The following SBSPON variants were observed in gnomAD, a reference collection of about 807,000 sequenced individuals.
SBSPON encodes the protein somatomedin-B and thrombospondin type-1 domain-containing protein.
Under a neutral mutation model 35.8 loss-of-function variants are expected in SBSPON, and 30 were observed. The ratio of observed to expected loss-of-function variants is 0.84; its 90% CI spans 0.63 to 1.14. The LOEUF is 1.14. Among genes scored for constraint, SBSPON ranks in the 50% most tolerant of loss-of-function variants. The pLI is 0.00. For synonymous variants in SBSPON, 136 were observed against 135.9 expected (o/e 1.00, Z 0.00); for missense variants, 364 against 357.7 (o/e 1.02, Z -0.14).
intron 1 of SBSPON, among the ~76,000 whole-genome samples, chr8:73,092,162 C>A (rs1273850224): frequency 6.6e-6 from 1 of 152,126 alleles, no homozygotes; most frequent in Non-Finnish European, 1.5e-5. Context: ...AAAAGACTGA[C>A]CCTAAAGGAA....
Position 73,071,766 on chromosome 8 carries a change from A to G in SBSPON, c.500+14T>C, listed in dbSNP as rs77674584. The G allele has an allele frequency of 1.9e-6, 3 of 1,543,630 alleles. No individual in the cohort carries two copies. Among genetic ancestry groups the G allele is most frequent in the Non-Finnish European group, 2.7e-6 (3 of 1,127,228 alleles). On this transcript the variant is annotated intron_variant, in intron 3 of 4. Coordinates refer to ENST00000297354, the MANE Select transcript of SBSPON (RefSeq NM_153225.4). The stretch of plus-strand genomic sequence containing the variant: ...GAAAAACATGATTAAAAAAAAAAAA[A>G]AACACGAAATTACCCAGCATCCTCT...
In SBSPON at chr8:73,090,954, C is replaced by T. The variant is rs1180260039; in HGVS notation, c.214+1900G>A. On this transcript the variant is annotated intron_variant, in intron 1 of 4. Transcript: ENST00000297354. ...CTGAAAATAAGCAATTTCTTTTTGA[C>T]CAAATAAAGACAGGGTTTTCCAATT... 3.3e-5 allele frequency among the ~76,000 whole-genome samples: 5 copies of T among 152,204 alleles called. No individual in the cohort carries two copies. In the East Asian group the frequency reaches 9.6e-4, roughly 29 times the overall value.
rs528143482 is a variant in SBSPON, at chr8:73,065,273, C to T, written c.*2068G>A. 6.6e-6 allele frequency: 1 copy of T among 152,054 alleles called. No homozygotes were observed. Among genetic ancestry groups the T allele is most frequent in the East Asian group, 1.9e-4 (1 of 5,186 alleles). The allele number at this position is 152,054 out of a possible 1,614,324, so 9.4% of individuals were successfully genotyped here. A position where few individuals can be genotyped will look rare whatever the true frequency, so the allele number is the denominator to read the frequency against. The stretch of plus-strand genomic sequence containing the variant: ...ACCTCAATTATGTTAAATGTTATAA[C>T]ACATATCGGAACTATAAAAGCACCA... On this transcript the variant is annotated 3_prime_UTR_variant, in exon 5 of 5. Coordinates refer to ENST00000297354, the MANE Select transcript of SBSPON (RefSeq NM_153225.4).
intron 1 of SBSPON, among the ~76,000 whole-genome samples, chr8:73,086,675 T>C (rs1161914211): frequency 6.7e-6 from 1 of 150,010 alleles, no homozygotes; most frequent in Non-Finnish European, 1.5e-5. Flanking sequence ...ATTTACTGGC[T>C]AGTTCCTGAA....
chr8:73,071,733 A>G (rs1810494345), intron 3 of SBSPON, 47 bp downstream of exon 3: 2 of 1,144,944 alleles, frequency 1.7e-6, no homozygotes, highest in South Asian at 2.7e-5. Context: ...TGACTTGACT[A>G]TACAATTGAA....
At position 73,081,107 on chromosome 8, in the gene SBSPON, G is replaced by C; in HGVS notation, c.321C>G (p.Asn107Lys). 13 of 1,613,362 alleles carry C rather than the reference G, an allele frequency of 8.1e-6. No individual in the cohort carries two copies. The highest frequency in any genetic ancestry group is 1.0e-5 in the Non-Finnish European group (12 of 1,179,632). The stretch of plus-strand genomic sequence containing the variant: ...CCAGGGGTGGGCAGGGCGCCCCGCC[G>C]TTCTGAGGCTCCTGCTGCACCGAGC... ...RRRSVQQEPQ[N>K]GGAPCPPLEE... is the part of the protein sequence containing the mutation. The change falls in exon 2 of 5, where the codon AAC (asparagine) becomes AAG (lysine). Residue 107 changes from asparagine (N) to lysine (K), a missense_variant. Coordinates refer to ENST00000297354, the MANE Select transcript of SBSPON (RefSeq NM_153225.4).
At chr8:73,073,914 T>A (rs925916433) in intron 2 of SBSPON, among the ~76,000 whole-genome samples, 2 of 152,206 alleles carry the variant, frequency 1.3e-5, no homozygotes, top group Non-Finnish European at 2.9e-5. Flanking sequence ...CATGTTTAAT[T>A]GTTTTCTAAA....
In SBSPON at chr8:73,069,819, G is replaced by C; in HGVS notation, c.663C>G (p.Gly221=). The C allele has an allele frequency of 6.2e-7, 1 of 1,613,622 alleles. No homozygotes were observed. Among genetic ancestry groups the C allele is most frequent in the Non-Finnish European group, 8.5e-7 (1 of 1,179,528 alleles). The stretch of plus-strand genomic sequence containing the variant: ...TCCATTCTTACCCATCGGAGTCCAG[G>C]CCATCTCCAGAACAACGAAGGCTCA... ...NSVSLRCSGD[G]LDSDGNQTLH... is the part of the protein sequence containing the mutation. Residue 221 remains glycine (G), a synonymous_variant, in exon 4 of 5, where the codon GGC becomes GGG. Coordinates refer to ENST00000297354, the MANE Select transcript of SBSPON (RefSeq NM_153225.4).
chr8:73,084,289 C>T (rs1487653635), intron 1 of SBSPON, among the ~76,000 whole-genome samples: 4 of 152,244 alleles, frequency 2.6e-5, no homozygotes, highest in Non-Finnish European at 5.9e-5. Flanking sequence ...TAATGAATCA[C>T]ACACAAGAGT....
At chr8:73,089,841 A>G (rs1308260050) in intron 1 of SBSPON, among the ~76,000 whole-genome samples, 1 of 151,950 alleles carries the variant, frequency 6.6e-6, no homozygotes, top group Non-Finnish European at 1.5e-5. Context: ...CCTTCTGTCA[A>G]CTCCACAGTC....
At chr8:73,092,219 G>C (rs1240364871) in intron 1 of SBSPON, among the ~76,000 whole-genome samples, 1 of 152,186 alleles carries the variant, frequency 6.6e-6, no homozygotes, top group Non-Finnish European at 1.5e-5. Flanking sequence ...TAAAATCCTT[G>C]TCATGCTGTA....
chr8:73,090,363 A>C (rs1810907354), intron 1 of SBSPON, among the ~76,000 whole-genome samples: 1 of 152,254 alleles, frequency 6.6e-6, no homozygotes, highest in Admixed American at 6.5e-5. Context: ...TTTGAGACTT[A>C]GAATCTGTGA....
chr8:73,068,146 T>C (rs961886926), intron 4 of SBSPON, among the ~76,000 whole-genome samples: 1 of 152,170 alleles, frequency 6.6e-6, no homozygotes, highest in Non-Finnish European at 1.5e-5. Context: ...ATTATTAAAA[T>C]TATTATTTTT....
chr8:73,083,933 T>C (rs1810767185), intron 1 of SBSPON: 1 of 152,260 alleles, frequency 6.6e-6, no homozygotes. Flanking sequence ...CTCAAGCTAA[T>C]ATTCAGGTTG....
chr8:73,074,077 T>G (rs1810546960), intron 2 of SBSPON, among the ~76,000 whole-genome samples: 1 of 152,202 alleles, frequency 6.6e-6, no homozygotes, highest in Non-Finnish European at 1.5e-5. Context: ...ACATTTTCAT[T>G]TCTGTTCTTC....
intron 2 of SBSPON, among the ~76,000 whole-genome samples, chr8:73,080,605 A>G (rs1156728128): frequency 2.0e-5 from 3 of 152,188 alleles, no homozygotes; most frequent in African/African-American, 7.2e-5. Context: ...GAGTGTGCAT[A>G]ATGAAACAGG....
chr8:73,074,727 CT>C, intron 2 of SBSPON: 1 of 271,554 alleles, frequency 3.7e-6, no homozygotes, highest in Non-Finnish European at 5.6e-6. Flanking sequence ...AAAAGAGAAA[CT>C]TTTAGCCCCT....
At chr8:73,070,066 C>T (rs1563485894) in intron 3 of SBSPON, 85 bp from the exon 4 acceptor site, 1 of 831,896 alleles carries the variant, frequency 1.2e-6, no homozygotes, top group Non-Finnish European at 1.9e-6. Flanking sequence ...CTGTCACCTC[C>T]AAGGGCATTT....
intron 1 of SBSPON, among the ~76,000 whole-genome samples, chr8:73,085,151 G>A (rs1209720561): frequency 6.6e-6 from 1 of 152,122 alleles, no homozygotes; most frequent in African/African-American, 2.4e-5. Context: ...AAACCCATGG[G>A]AATTCTTAGC....
Sources: allele counts gnomAD v4.1 joint callset (sites outside exome capture counted in the v4.1 genomes callset), GRCh38; gene constraint gnomAD v4.1.1; transcripts MANE v1.5; gene names NCBI Gene and HGNC (gene_info 2026-07-23, HGNC 2026-07-21).